USP25: variants seen among roughly 807,000 people sequenced by gnomAD.
USP25 encodes ubiquitin specific peptidase 25.
In USP25, 85 loss-of-function variants were observed where a neutral mutation model predicts 158.5. The ratio of observed to expected loss-of-function variants is 0.54; its 90% confidence interval spans 0.45 to 0.64. The LOEUF (loss-of-function observed/expected upper bound fraction) is 0.64. USP25 is among the 30% of genes least tolerant of loss of function. The probability of loss-of-function intolerance (pLI) is 0.00; values close to 1 mark genes in which losing one functional copy is unlikely to be tolerated. For synonymous variants in USP25, 464 were observed against 460.4 expected (o/e 1.01, Z -0.10); for missense variants, 1,242 against 1,327.3 (o/e 0.94, Z 1.00).
chr21:15,872,931 T>C (rs2039953755), intron 23 of USP25, among the ~76,000 whole-genome samples: 1 of 152,132 alleles, frequency 6.6e-6, no homozygotes, highest in Non-Finnish European at 1.5e-5. Context: ...TATTTTTCCA[T>C]ATTAATCTGT....
chr21:15,814,286 C>T (rs2036823542), intron 9 of USP25, among the ~76,000 whole-genome samples: 1 of 151,468 alleles, frequency 6.6e-6, no homozygotes, highest in Non-Finnish European at 1.5e-5. Flanking sequence ...ACCTCTTTTT[C>T]TTCCCAGCCT....
intron 1 of USP25, among the ~76,000 whole-genome samples, chr21:15,735,227 A>G (rs907802649): frequency 2.0e-5 from 3 of 152,154 alleles, no homozygotes; most frequent in Non-Finnish European, 4.4e-5. Context: ...TTGGTATACA[A>G]TTGGCCTTCT....
intron 14 of USP25, among the ~76,000 whole-genome samples, chr21:15,827,974 C>G (rs1477645359): frequency 2.0e-5 from 3 of 150,154 alleles, no homozygotes; most frequent in Non-Finnish European, 4.4e-5. Flanking sequence ...CATTTTTTTC[C>G]TTAAATGTGA....
chr21:15,730,771 G>C (rs2030751214), intron 1 of USP25, among the ~76,000 whole-genome samples: 1 of 152,168 alleles, frequency 6.6e-6, no homozygotes, highest in Admixed American at 6.5e-5. Context: ...AAATGAGAAA[G>C]AATAGCTAGT....
At chr21:15,811,112 A>G in intron 8 of USP25, 25 bp from the exon 9 acceptor site, 3 of 1,591,032 alleles carry the variant, frequency 1.9e-6, no homozygotes, top group South Asian at 1.1e-5. Context: ...TTGTAATCAC[A>G]TTTATATTTT....
At chr21:15,741,462 T>C (rs1305243819) in intron 1 of USP25, among the ~76,000 whole-genome samples, 2 of 152,178 alleles carry the variant, frequency 1.3e-5, no homozygotes, top group African/African-American at 2.4e-5. Context: ...ATTAGCAATA[T>C]AGGAGAATTT....
Position 15,878,417 on chromosome 21 carries a change from G to T in USP25, c.3320G>T (p.Cys1107Phe). The T allele has an allele frequency of 6.2e-7, 1 of 1,614,028 alleles. No homozygotes were observed. The highest frequency in any genetic ancestry group is 8.5e-7 in the Non-Finnish European group (1 of 1,179,934). The change falls in exon 26 of 26, where the codon TGT (cysteine) becomes TTT (phenylalanine). Residue 1107 changes from cysteine to phenylalanine, a missense_variant. Around this residue, in one of 3 missense-constraint regions of USP25, gnomAD observed 608 missense variants for 605.2 expected, o/e 1.00. Transcript: ENST00000400183. Reference sequence around the variant, plus strand: ...CCTTCATATTCCACGCATGAACTCTGTGAGCGATTTGCCCGAATCATGTTG... The same window carrying T: ...CCTTCATATTCCACGCATGAACTCTTTGAGCGATTTGCCCGAATCATGTTG... ...KLPSYSTHEL[C>F]ERFARIMLSL...
intron 14 of USP25, among the ~76,000 whole-genome samples, chr21:15,829,312 A>G (rs1273107072): frequency 6.6e-6 from 1 of 151,732 alleles, no homozygotes. Context: ...CCCTGCTCCC[A>G]CCCTCCACCC....
chr21:15,812,823 T>C (rs2036738905), intron 9 of USP25, among the ~76,000 whole-genome samples: 1 of 152,200 alleles, frequency 6.6e-6, no homozygotes, highest in Admixed American at 6.5e-5. Context: ...TTATCACTTT[T>C]TACATAGATC....
At position 15,849,835 on chromosome 21, in the gene USP25, T is replaced by C. The variant is rs1358552486; in HGVS notation, c.2510T>C (p.Val837Ala). 6.5e-7 allele frequency: 1 copy of C among 1,540,832 alleles called. No homozygotes were observed. The highest frequency in any genetic ancestry group is 2.5e-5 in the East Asian group (1 of 40,640). The change falls in exon 20 of 26, where the codon GTA (valine) becomes GCA (alanine). Residue 837 changes from valine (V) to alanine (A), a missense_variant. By Grantham distance (64) the Val-to-Ala change is moderately conservative. Coordinates refer to ENST00000400183, the MANE Select transcript of USP25 (RefSeq NM_001283041.3). ...IIMAIGKSRS[V>A]YDRCGPEAGF... The stretch of plus-strand genomic sequence containing the variant: ...ATGGCGATAGGTAAATCCAGGAGTG[T>C]ATATGACAGGTGTGGCCCTGAAGCA...
At chr21:15,799,662 A>G (rs2036034003) in intron 5 of USP25, 95 bp from the exon 6 acceptor site, 4 of 735,054 alleles carry the variant, frequency 5.4e-6, no homozygotes, top group Non-Finnish European at 8.7e-6. Flanking sequence ...TAAGTAGTAC[A>G]CAGTTGTAAA....
At chr21:15,790,126 G>A (rs1390196755) in intron 4 of USP25, among the ~76,000 whole-genome samples, 1 of 151,872 alleles carries the variant, frequency 6.6e-6, no homozygotes, top group Non-Finnish European at 1.5e-5. Flanking sequence ...GATATTCTTT[G>A]GTTTTCCTCT....
In USP25 at chr21:15,855,806, G is replaced by A. The variant is rs1031164811; in HGVS notation, c.2547+5934G>A. The stretch of plus-strand genomic sequence containing the variant: ...AGTACTCCAGAAGTACCTTTTTTCC[G>A]CCTTCCCATCACTACAGTCTGTCCG... On this transcript the variant is annotated intron_variant, in intron 20 of 25. Coordinates refer to ENST00000400183, the MANE Select transcript of USP25 (RefSeq NM_001283041.3). Among the ~76,000 whole-genome samples the A allele has an allele frequency of 8.5e-5, 13 of 152,070 alleles. 1 individual carries two copies. Among genetic ancestry groups the A allele is most frequent in the African/African-American group, 1.4e-4 (6 of 41,400 alleles).
rs760366769 is a variant in USP25 at position 15,877,789 on chromosome 21, C to T, written c.3010-7C>T. 1 of 1,582,664 alleles carries T rather than the reference C, an allele frequency of 6.3e-7. No individual in the cohort carries two copies. The highest frequency in any genetic ancestry group is 1.9e-5 in the Admixed American group (1 of 53,216). On this transcript the variant is annotated splice_polypyrimidine_tract_variant and splice_region_variant and intron_variant, in intron 24 of 25. Transcript: ENST00000400183. ...CTATTCTTTTTTTTTTCCTGCATTG[C>T]ATTAAGAAATTAAATGAGCAAGCCG...
intron 1 of USP25, among the ~76,000 whole-genome samples, 178 bp from the exon 2 acceptor site, chr21:15,762,713 C>G (rs543827941): frequency 6.6e-6 from 1 of 152,262 alleles, no homozygotes; most frequent in Non-Finnish European, 1.5e-5. Flanking sequence ...CAGCATGATT[C>G]ATTCTTTCTA....
chr21:15,732,567 G>A (rs985163574), intron 1 of USP25, among the ~76,000 whole-genome samples: 4 of 152,296 alleles, frequency 2.6e-5, no homozygotes, highest in African/African-American at 9.6e-5. Flanking sequence ...TCTAAAAGGA[G>A]AGGTGTGTAG....
At chr21:15,825,654 A>G (rs1386256253) in intron 12 of USP25, among the ~76,000 whole-genome samples, 1 of 152,186 alleles carries the variant, frequency 6.6e-6, no homozygotes, top group Non-Finnish European at 1.5e-5. Flanking sequence ...CCAGACAGAA[A>G]TCTAAAGGCT....
At chr21:15,835,552 A>G (rs1440892424) in intron 17 of USP25, among the ~76,000 whole-genome samples, 1 of 152,210 alleles carries the variant, frequency 6.6e-6, no homozygotes, top group African/African-American at 2.4e-5. Flanking sequence ...AAAATGCAGT[A>G]CTAGGTATTG....
At chr21:15,810,317 A>T (rs1156355173) in intron 8 of USP25, among the ~76,000 whole-genome samples, 2 of 152,142 alleles carry the variant, frequency 1.3e-5, no homozygotes, top group East Asian at 1.9e-4. Flanking sequence ...ATCAAGAGAG[A>T]TGGTATCCCC....
Sources: gnomAD v4.1 joint callset for allele counts (sites outside exome capture counted in the v4.1 genomes callset) on GRCh38, gnomAD v4.1.1 for gene constraint, gnomAD v4.1.1 regional missense constraint, MANE v1.5 for transcripts, NCBI Gene and HGNC (gene_info 2026-07-23, HGNC 2026-07-21) for gene names.